ESYT2: variants seen among roughly 807,000 people sequenced by gnomAD.
The protein encoded by ESYT2 is extended synaptotagmin 2.
In ESYT2, 54 loss-of-function variants were observed where a neutral mutation model predicts 107.2. That is an observed-to-expected ratio of 0.50 (90% CI 0.40 to 0.63). ESYT2 has a LOEUF of 0.63. ESYT2 is among the 30% of genes least tolerant of loss of function. The probability of loss-of-function intolerance (pLI) is 0.00; values close to 1 mark genes in which losing one functional copy is unlikely to be tolerated. For synonymous variants in ESYT2, 491 were observed against 434.1 expected (o/e 1.13, Z -1.63); for missense variants, 1,020 against 1,094.5 (o/e 0.93, Z 0.96).
chr7:158,749,507 T>C (rs1184915697), intron 15 of ESYT2, 142 bp downstream of exon 15: 7 of 694,590 alleles, frequency 1.0e-5, no homozygotes, highest in East Asian at 5.6e-5. Flanking sequence ...TAAGAAAAAA[T>C]AGATCTGAAA....
rs1200776720 is a variant in ESYT2 at position 158,764,737 on chromosome 7, T to C, written c.1041A>G (p.Gln347=). 2 of 1,614,082 alleles carry C rather than the reference T, an allele frequency of 1.2e-6. No individual in the cohort carries two copies. Among genetic ancestry groups the C allele is most frequent in the African/African-American group, 1.3e-5 (1 of 74,934 alleles). ...CCTTGATGACTCTGCTTTGGAAGAT[T>C]TGGTTGCCAACTCTAATGATTCCAT... is the stretch of plus-strand genomic sequence containing the variant. ...DPYGIIRVGN[Q]IFQSRVIKEN... The change falls in exon 9 of 23, where the codon CAA becomes CAG. Residue 347 remains glutamine (Q), a synonymous_variant. Coordinates refer to ENST00000275418, the MANE Select transcript of ESYT2 (RefSeq NM_001367773.1).
chr7:158,812,555 C>G (rs1338114597), intron 1 of ESYT2, among the ~76,000 whole-genome samples: 2 of 152,106 alleles, frequency 1.3e-5, no homozygotes, highest in African/African-American at 4.8e-5. Context: ...TGGCATTCCT[C>G]AAAATGTTAA....
chr7:158,828,520 G>T (rs1840521855), intron 1 of ESYT2, among the ~76,000 whole-genome samples: 1 of 152,246 alleles, frequency 6.6e-6, no homozygotes, highest in Non-Finnish European at 1.5e-5. Context: ...CAGGCCGGGG[G>T]AGGGAAGCGG....
rs964770298 is a variant in ESYT2, at chr7:158,731,075, C to CT, written c.*3131dup. On this transcript the variant is annotated 3_prime_UTR_variant, in exon 23 of 23. Coordinates refer to ENST00000275418, the MANE Select transcript of ESYT2 (RefSeq NM_001367773.1). The stretch of plus-strand genomic sequence containing the variant: ...AGTTGAACAGAAAGGAGGTTCTCTA[C>CT]TTTTTAACCCCCATCCCCCACCGCT... The CT allele has an allele frequency of 2.0e-5, 3 of 152,162 alleles. No homozygotes were observed. Among genetic ancestry groups the CT allele is most frequent in the Non-Finnish European group, 2.9e-5 (2 of 68,038 alleles). 9.4% of individuals were successfully genotyped at this position (152,162 alleles called of 1,614,324 possible). A position where few individuals can be genotyped will look rare whatever the true frequency, so the allele number is the denominator to read the frequency against.
intron 14 of ESYT2, 36 bp from the exon 15 acceptor site, chr7:158,749,759 A>C (rs749466491): frequency 6.3e-7 from 1 of 1,596,166 alleles, no homozygotes; most frequent in Non-Finnish European, 8.6e-7. Context: ...CAAAATAAAT[A>C]AACACATTTT....
intron 1 of ESYT2, among the ~76,000 whole-genome samples, chr7:158,816,177 CA>C (rs915087663): frequency 6.6e-6 from 1 of 152,122 alleles, no homozygotes; most frequent in Non-Finnish European, 1.5e-5. Flanking sequence ...TCCATCTCTA[CA>C]AAAAATGTTT....
Position 158,735,393 on chromosome 7 carries a change from C to G in ESYT2, c.2505+110G>C, listed in dbSNP as rs180858085. The stretch of plus-strand genomic sequence containing the variant: ...ATGATTTATAAACAAGCATCGACCT[C>G]GTAAGTTCGCCCCTTCCACTTACAC... On this transcript the variant is annotated intron_variant, in intron 21 of 22. Coordinates refer to ENST00000275418, the MANE Select transcript of ESYT2 (RefSeq NM_001367773.1). 174 of 794,400 alleles carry G rather than the reference C, an allele frequency of 2.2e-4. 1 individual carries two copies. The highest frequency in any genetic ancestry group is 1.3e-3 in the Middle Eastern group (5 of 3,764). The allele number at this position is 794,400 out of a possible 1,614,324, so 49.2% of individuals were successfully genotyped here.
chr7:158,737,532 C>A (rs926778889), intron 19 of ESYT2, among the ~76,000 whole-genome samples: 2 of 152,150 alleles, frequency 1.3e-5, no homozygotes, highest in Non-Finnish European at 2.9e-5. Context: ...GCCCCCACCC[C>A]ACAGTGCCTA....
chr7:158,756,630 C>T (rs549461591), intron 13 of ESYT2, among the ~76,000 whole-genome samples: 3 of 152,110 alleles, frequency 2.0e-5, no homozygotes, highest in African/African-American at 7.2e-5. Flanking sequence ...GATAATAGGC[C>T]GGGCATGGTG....
At chr7:158,740,744 C>T (rs1837163914) in intron 18 of ESYT2, among the ~76,000 whole-genome samples, 1 of 152,142 alleles carries the variant, frequency 6.6e-6, no homozygotes, top group South Asian at 2.1e-4. Flanking sequence ...AAATAGTGGA[C>T]ATGAGAAAGC....
chr7:158,789,425 T>C (rs1563021602), intron 4 of ESYT2, among the ~76,000 whole-genome samples: 2 of 152,176 alleles, frequency 1.3e-5, no homozygotes, highest in South Asian at 2.1e-4. Flanking sequence ...GGTGCAATGA[T>C]GACTCACTGC....
At chr7:158,786,706 A>G (rs1454230500) in intron 6 of ESYT2, among the ~76,000 whole-genome samples, 1 of 152,050 alleles carries the variant, frequency 6.6e-6, no homozygotes, top group African/African-American at 2.4e-5. Context: ...GTGTAGATAA[A>G]CCCGTATTTT....
intron 1 of ESYT2, among the ~76,000 whole-genome samples, chr7:158,822,203 C>T (rs1840305023): frequency 6.6e-6 from 1 of 152,092 alleles, no homozygotes; most frequent in South Asian, 2.1e-4. Context: ...CAAGAGACGA[C>T]AAAAGACCAC....
intron 6 of ESYT2, among the ~76,000 whole-genome samples, chr7:158,777,584 T>C (rs1838613642): frequency 6.6e-6 from 1 of 152,214 alleles, no homozygotes; most frequent in Non-Finnish European, 1.5e-5. Flanking sequence ...TTCCCCTTCA[T>C]CTTCTGCCAT....
chr7:158,741,880 T>A lies in ESYT2; in HGVS notation c.1811A>T (p.Lys604Met), dbSNP rs750744410. Residue 604 changes from lysine to methionine, a missense_variant, in exon 18 of 23, where the codon AAG becomes ATG. By Grantham distance (95) the Lys-to-Met change is moderately conservative. Transcript: ENST00000275418. ...TTGGTGGTCTGGAGGCCTTTCTCGC[T>A]TTTCGAGATGGAGCACCTAGAGGTG... The part of the protein sequence containing the change: ...KIALRVLHLE[K>M]RERPPDHQHS... 1 of 1,605,474 alleles carries A rather than the reference T, an allele frequency of 6.2e-7. No homozygotes were observed. Among genetic ancestry groups the A allele is most frequent in the South Asian group, 1.1e-5 (1 of 89,946 alleles).
At chr7:158,798,748 A>G (rs891399449) in intron 2 of ESYT2, among the ~76,000 whole-genome samples, 2 of 149,858 alleles carry the variant, frequency 1.3e-5, no homozygotes, top group Non-Finnish European at 3.0e-5. Context: ...TATGATTGTT[A>G]TAAAATAGAC....
At chr7:158,810,838 G>C (rs1839974666) in intron 1 of ESYT2, among the ~76,000 whole-genome samples, 1 of 152,140 alleles carries the variant, frequency 6.6e-6, no homozygotes, top group African/African-American at 2.4e-5. Context: ...TGAGGATTGA[G>C]GGCTGATGGG....
At chr7:158,811,371 C>T (rs924058943) in intron 1 of ESYT2, among the ~76,000 whole-genome samples, 4 of 152,146 alleles carry the variant, frequency 2.6e-5, no homozygotes, top group Admixed American at 6.5e-5. Flanking sequence ...AACAAAGGTA[C>T]CCAGTGAGCT....
At chr7:158,814,367 TC>T in intron 1 of ESYT2, among the ~76,000 whole-genome samples, 1 of 140,524 alleles carries the variant, frequency 7.1e-6, no homozygotes, top group African/African-American at 2.7e-5. Context: ...ACCTTACTCG[TC>T]CAGATGACTC....
Sources: allele counts gnomAD v4.1 joint callset (sites outside exome capture counted in the v4.1 genomes callset), GRCh38; gene constraint gnomAD v4.1.1; transcripts MANE v1.5; gene names NCBI Gene and HGNC (gene_info 2026-07-23, HGNC 2026-07-21).